GALNT17: variants seen among roughly 807,000 people sequenced by gnomAD.
GALNT17 encodes polypeptide N-acetylgalactosaminyltransferase 17.
A neutral mutation model predicts 63.7 loss-of-function variants in GALNT17; 29 were observed. The observed-to-expected ratio is 0.46, with a 90% CI of 0.34 to 0.62. The LOEUF (loss-of-function observed/expected upper bound fraction) is 0.62. Among genes scored for constraint, GALNT17 ranks in the 20% least tolerant of loss-of-function variants. The pLI, the probability that GALNT17 is intolerant of heterozygous loss-of-function variation, is 0.01. For missense variants in GALNT17, 603 were observed against 799.6 expected (o/e 0.75, Z 2.97); for synonymous variants, 305 against 318.3 (o/e 0.96, Z 0.45).
At chr7:71,185,180 C>T (rs1331440317) in intron 1 of GALNT17, among the ~76,000 whole-genome samples, 1 of 138,438 alleles carries the variant, frequency 7.2e-6, no homozygotes, top group Non-Finnish European at 1.6e-5. Context: ...TCCCCTCCTT[C>T]CTCTCTCTGT....
intron 1 of GALNT17, among the ~76,000 whole-genome samples, chr7:71,208,801 TATAAG>T (rs910602998): frequency 1.3e-5 from 2 of 152,196 alleles, no homozygotes; most frequent in African/African-American, 2.4e-5. Context: ...ATTTTTTTCT[TATAAG>T]ATGTTTCTGT....
rs540320092 is a variant in GALNT17 at position 71,391,225 on chromosome 7, G to A, written c.589+2824G>A. Among the ~76,000 whole-genome samples, 4 of 152,292 alleles carry A rather than the reference G, an allele frequency of 2.6e-5. 2 individuals carry two copies. In the South Asian group the frequency reaches 8.3e-4, roughly 32 times the overall value. ...GCCCGGGGCTAGAACACCCAGAGAG[G>A]AGCATGAACTGCAGATCGGGCTGGA... On this transcript the variant is annotated intron_variant, in intron 3 of 10. Transcript: ENST00000333538.
At chr7:71,614,700 A>G (rs7459317) in intron 6 of GALNT17, among the ~76,000 whole-genome samples, 19 of 148,908 alleles carry the variant, frequency 1.3e-4, no homozygotes, top group East Asian at 8.1e-4. Context: ...GAGGGAGGGA[A>G]GAAAGAGAAA....
chr7:71,448,796 TTAAC>T (rs1387942634), intron 5 of GALNT17, among the ~76,000 whole-genome samples: 1 of 152,198 alleles, frequency 6.6e-6, no homozygotes, highest in Non-Finnish European at 1.5e-5. Context: ...GTTGTATACA[TTAAC>T]TATGTATGGA....
intron 3 of GALNT17, among the ~76,000 whole-genome samples, chr7:71,391,919 G>A (rs1366708311): frequency 1.3e-5 from 2 of 152,166 alleles, no homozygotes; most frequent in African/African-American, 4.8e-5. Flanking sequence ...AAGGGAAGGG[G>A]AGCAGGTGAG....
At chr7:71,667,142 T>A (rs992620746) in intron 7 of GALNT17, among the ~76,000 whole-genome samples, 1 of 152,250 alleles carries the variant, frequency 6.6e-6, no homozygotes, top group East Asian at 1.9e-4. Context: ...GAAAGTCACC[T>A]GGAGTGGTGC....
At position 71,539,114 on chromosome 7, in the gene GALNT17, C is replaced by G. The variant is rs374246663; in HGVS notation, c.963-32171C>G. Among the ~76,000 whole-genome samples the G allele has an allele frequency of 2.0e-5, 3 of 152,042 alleles. No homozygotes were observed. The East Asian group carries it at 5.8e-4, about 29-fold the overall frequency. Reference sequence around the variant, plus strand: ...CTCAACTAATTTTTGTATTTTTTGGCAGAGACAAAGTTTCACCATGTTGGC... The same window carrying G: ...CTCAACTAATTTTTGTATTTTTTGGGAGAGACAAAGTTTCACCATGTTGGC... On this transcript the variant is annotated intron_variant, in intron 5 of 10. Transcript: ENST00000333538.
chr7:71,167,458 T>C (rs1788463521), intron 1 of GALNT17, among the ~76,000 whole-genome samples: 1 of 152,216 alleles, frequency 6.6e-6, no homozygotes, highest in African/African-American at 2.4e-5. Context: ...TTTTTGTTAC[T>C]GAGTTTTGAG....
chr7:71,137,227 C>G (rs1331497797), intron 1 of GALNT17, among the ~76,000 whole-genome samples: 1 of 151,794 alleles, frequency 6.6e-6, no homozygotes, highest in African/African-American at 2.4e-5. Flanking sequence ...GCAAGCTCCG[C>G]CTCCCGGGTT....
At position 71,415,959 on chromosome 7, in the gene GALNT17, T is replaced by C. The variant is rs376333380; in HGVS notation, c.660T>C (p.Asn220=). 50 of 1,613,348 alleles carry C rather than the reference T, an allele frequency of 3.1e-5. No individual in the cohort carries two copies. The highest frequency in any genetic ancestry group is 4.2e-5 in the Non-Finnish European group (49 of 1,179,782). Residue 220 remains asparagine (N), a synonymous_variant, in exon 4 of 11, where the codon AAT becomes AAC. Coordinates refer to ENST00000333538, the MANE Select transcript of GALNT17 (RefSeq NM_022479.3). ...CCGGGCTGGTGAAGGTGGTAAGAAA[T>C]CAGAAGAGGGAAGGCCTGATCCGCG... The part of the protein sequence containing the change: ...RYPGLVKVVR[N]QKREGLIRAR...
intron 2 of GALNT17, among the ~76,000 whole-genome samples, chr7:71,378,894 TG>T (rs1465280221): frequency 1.3e-5 from 2 of 151,806 alleles, no homozygotes; most frequent in Non-Finnish European, 2.9e-5. Context: ...CCCAGCTACT[TG>T]GGATGCTGAG....
At chr7:71,416,488 T>A (rs1016775281) in intron 4 of GALNT17, among the ~76,000 whole-genome samples, 18 of 152,078 alleles carry the variant, frequency 1.2e-4, no homozygotes, top group Non-Finnish European at 2.2e-4. Flanking sequence ...GGAGCACGCC[T>A]GTAGTCTCGG....
At chr7:71,637,383 C>T (rs1790542668) in intron 6 of GALNT17, among the ~76,000 whole-genome samples, 1 of 152,012 alleles carries the variant, frequency 6.6e-6, no homozygotes, top group Non-Finnish European at 1.5e-5. Flanking sequence ...CAGGATTTCA[C>T]CATGTTGGCC....
At chr7:71,593,789 A>T (rs2116921889) in intron 6 of GALNT17, among the ~76,000 whole-genome samples, 1 of 152,358 alleles carries the variant, frequency 6.6e-6, no homozygotes, top group East Asian at 1.9e-4. Flanking sequence ...CAAATTTTAA[A>T]GCATTCAAGT....
intron 1 of GALNT17, among the ~76,000 whole-genome samples, chr7:71,133,322 A>G (rs1323110421): frequency 6.6e-6 from 1 of 152,122 alleles, no homozygotes; most frequent in Admixed American, 6.5e-5. Flanking sequence ...ACTGGAAATC[A>G]TTCCCTGGCG....
intron 5 of GALNT17, among the ~76,000 whole-genome samples, chr7:71,570,106 G>C (rs894528626): frequency 4.0e-5 from 6 of 151,234 alleles, no homozygotes; most frequent in African/African-American, 1.5e-4. Flanking sequence ...TCTGACAGGT[G>C]GCCTCACATG....
At chr7:71,657,376 T>A (rs1024743264) in intron 6 of GALNT17, among the ~76,000 whole-genome samples, 1 of 152,220 alleles carries the variant, frequency 6.6e-6, no homozygotes, top group Non-Finnish European at 1.5e-5. Flanking sequence ...ATGCTTTACA[T>A]TTTTAAACAT....
chr7:71,333,898 G>A (rs1791850623), intron 1 of GALNT17, among the ~76,000 whole-genome samples: 1 of 152,200 alleles, frequency 6.6e-6, no homozygotes, highest in Admixed American at 6.5e-5. Context: ...ACCAAGCACA[G>A]GTGTTTGTAC....
chr7:71,169,315 C>T (rs1788502939), intron 1 of GALNT17, among the ~76,000 whole-genome samples: 1 of 152,120 alleles, frequency 6.6e-6, no homozygotes, highest in Non-Finnish European at 1.5e-5. Flanking sequence ...CTTTTCCTAC[C>T]GTGCATCCTG....
Sources: allele counts gnomAD v4.1 joint callset (sites outside exome capture counted in the v4.1 genomes callset), GRCh38; gene constraint gnomAD v4.1.1; transcripts MANE v1.5; gene names NCBI Gene and HGNC (gene_info 2026-07-23, HGNC 2026-07-21).